Variants in SLC9B2 observed in about 807,000 individuals in gnomAD.
The protein encoded by SLC9B2 is sodium/hydrogen exchanger 9B2.
In SLC9B2, 39 loss-of-function variants were observed where a neutral mutation model predicts 52.2. That is an observed-to-expected ratio of 0.75 (90% CI 0.58 to 0.98). The LOEUF is 0.98. SLC9B2 is among the 50% of genes least tolerant of loss of function. SLC9B2 has a pLI of 0.00. For synonymous variants in SLC9B2, 214 were observed against 227.0 expected, an observed-to-expected ratio of 0.94 and a Z score of 0.51; for missense variants, 626 against 637.5, an observed-to-expected ratio of 0.98 and a Z score of 0.19.
intron 4 of SLC9B2, among the ~76,000 whole-genome samples, chr4:103,056,548 A>G (rs1456538516): frequency 6.6e-6 from 1 of 152,184 alleles, no homozygotes; most frequent in African/African-American, 2.4e-5. Context: ...ATGATCGGCC[A>G]ATATTATATT....
At chr4:103,042,138 T>C (rs1446629924) in intron 9 of SLC9B2, 1 of 152,168 alleles carries the variant, frequency 6.6e-6, no homozygotes, top group African/African-American at 2.4e-5. Context: ...CAGTGAATGC[T>C]GTCTATGGAA....
At chr4:103,063,903 A>T (rs2110653595) in intron 3 of SLC9B2, among the ~76,000 whole-genome samples, 1 of 152,340 alleles carries the variant, frequency 6.6e-6, no homozygotes, top group Non-Finnish European at 1.5e-5. Context: ...TCAAAAGAAG[A>T]CATACAAATG....
chr4:103,050,588 T>A (rs934705739), intron 4 of SLC9B2, among the ~76,000 whole-genome samples: 1 of 152,188 alleles, frequency 6.6e-6, no homozygotes, highest in Non-Finnish European at 1.5e-5. Context: ...TTATAATAAT[T>A]AATATTCCCA....
chr4:103,024,940 T>C lies in SLC9B2; in HGVS notation c.*1430A>G, dbSNP rs1742075450. On this transcript the variant is annotated 3_prime_UTR_variant, in exon 12 of 12. Transcript: ENST00000394785. ...ATTTCTGAAATCCCTGCCATAGAAG[T>C]CACTCTTTTGGTTTAAGGCAATGTC... is the stretch of plus-strand genomic sequence containing the variant. Among the ~76,000 whole-genome samples the C allele has an allele frequency of 6.6e-6, 1 of 152,220 alleles. No individual in the cohort carries two copies. Among genetic ancestry groups the C allele is most frequent in the African/African-American group, 2.4e-5 (1 of 41,460 alleles).
At chr4:103,047,397 C>CT (rs1033393814) in intron 6 of SLC9B2, among the ~76,000 whole-genome samples, 171 bp from the exon 7 acceptor site, 13 of 135,210 alleles carry the variant, frequency 9.6e-5, no homozygotes, top group Non-Finnish European at 1.1e-4. Flanking sequence ...GTTTTTTTTT[C>CT]TTTTTTTTAT....
chr4:103,061,194 A>T (rs1275418479), intron 3 of SLC9B2, among the ~76,000 whole-genome samples: 1 of 152,208 alleles, frequency 6.6e-6, no homozygotes, highest in Non-Finnish European at 1.5e-5. Context: ...ATGCTGCTAT[A>T]AAGACACATG....
In SLC9B2 at chr4:103,076,708, C is replaced by T. The variant is rs1283307753; in HGVS notation, c.-567G>A. 2.6e-5 allele frequency: 4 copies of T among 152,288 alleles called. No individual in the cohort carries two copies. The highest frequency in any genetic ancestry group is 5.9e-5 in the Non-Finnish European group (4 of 68,080). The allele number at this position is 152,288 out of a possible 1,614,324, so 9.4% of individuals were successfully genotyped here. On this transcript the variant is annotated 5_prime_UTR_variant, in exon 1 of 12. Coordinates refer to ENST00000394785, the MANE Select transcript of SLC9B2 (RefSeq NM_178833.7). ...GACCAGCGAGCTCCCGGGAAAGCTT[C>T]CCGGAAAGCTTACCCAGAGAGCGCG...
intron 3 of SLC9B2, among the ~76,000 whole-genome samples, chr4:103,063,115 C>T (rs1745814210): frequency 6.6e-6 from 1 of 152,162 alleles, no homozygotes; most frequent in Non-Finnish European, 1.5e-5. Flanking sequence ...TTCATTTTTA[C>T]TCTTTCCTTA....
chr4:103,076,812 C>G (rs1242890302), upstream of SLC9B2: 2 of 152,340 alleles, frequency 1.3e-5, no homozygotes, highest in African/African-American at 4.8e-5. Flanking sequence ...GACTCCGCGG[C>G]GCAGGCCGGG....
rs1578494055 is a variant in SLC9B2, at chr4:103,076,689, C to G, written c.-548G>C. On this transcript the variant is annotated 5_prime_UTR_variant, in exon 1 of 12. Transcript: ENST00000394785. ...CGCAGGCTTCTGGGGCCAGGACCAG[C>G]GAGCTCCCGGGAAAGCTTCCCGGAA... is the stretch of plus-strand genomic sequence containing the variant. 6.6e-6 allele frequency: 1 copy of G among 152,262 alleles called. No homozygotes were observed. Among genetic ancestry groups the G allele is most frequent in the African/African-American group, 2.4e-5 (1 of 41,474 alleles). The allele number at this position is 152,262 out of a possible 1,614,324, so 9.4% of individuals were successfully genotyped here. A position where few individuals can be genotyped will look rare whatever the true frequency, so the allele number is the denominator to read the frequency against.
intron 7 of SLC9B2, 47 bp downstream of exon 7, chr4:103,047,004 G>A (rs764951414): frequency 1.3e-5 from 21 of 1,571,872 alleles, no homozygotes; most frequent in East Asian, 4.5e-5. Context: ...TTTAACCTAC[G>A]TCCCTAGAAT....
intron 8 of SLC9B2, among the ~76,000 whole-genome samples, chr4:103,044,514 A>G (rs1743928059): frequency 6.6e-6 from 1 of 152,164 alleles, no homozygotes; most frequent in Non-Finnish European, 1.5e-5. Flanking sequence ...AGTGGCTGGG[A>G]CTACCAGGCC....
chr4:103,060,888 C>T (rs77536217), intron 3 of SLC9B2, among the ~76,000 whole-genome samples: 20 of 152,240 alleles, frequency 1.3e-4, no homozygotes, highest in South Asian at 1.0e-3. Context: ...TTTTTATTGG[C>T]GACTCCACAC....
intron 4 of SLC9B2, among the ~76,000 whole-genome samples, 172 bp downstream of exon 4, chr4:103,057,629 T>C (rs1324535757): frequency 1.3e-5 from 2 of 152,148 alleles, no homozygotes; most frequent in African/African-American, 2.4e-5. Context: ...ATTTTTTAAA[T>C]TGCTATGTTT....
Position 103,031,723 on chromosome 4 carries a change from G to A in SLC9B2, c.1232C>T (p.Ala411Val), listed in dbSNP as rs1742718893. ...FGLIGAEVSI[A>V]SLRPETVGLC... ...ACCTACAGTTTCTGGTCTGAGAGATGCAATAGATACCTCTGCTCCAATTAG... is the reference window on the plus strand; with the variant it reads ...ACCTACAGTTTCTGGTCTGAGAGATACAATAGATACCTCTGCTCCAATTAG... Residue 411 changes from alanine to valine, a missense_variant, in exon 10 of 12, where the codon GCA (alanine) becomes GTA (valine). Transcript: ENST00000394785. 1.9e-6 allele frequency: 3 copies of A among 1,612,418 alleles called. No individual in the cohort carries two copies. Among genetic ancestry groups the A allele is most frequent in the Non-Finnish European group, 1.7e-6 (2 of 1,179,042 alleles).
rs142289232 is a variant in SLC9B2, at chr4:103,074,457, T to C, written c.-43+1727A>G. On this transcript the variant is annotated intron_variant, in intron 1 of 11. Transcript: ENST00000394785. ...CAGCAGTGATGAGGAACCTCTGTCT[T>C]ACAAACTTTAGTTTCTATCTTTCTA... 2.0e-4 allele frequency among the ~76,000 whole-genome samples: 30 copies of C among 152,358 alleles called. No homozygotes were observed. The East Asian group carries it at 3.3e-3, about 17-fold the overall frequency.
rs957616062 is a variant in SLC9B2, at chr4:103,064,587, G to A, written c.271+1740C>T. On this transcript the variant is annotated intron_variant, in intron 3 of 11. Coordinates refer to ENST00000394785, the MANE Select transcript of SLC9B2 (RefSeq NM_178833.7). ...GTAGTTTGTTCTGTACCACAGCAACGTGACTATAGTCAGGAATAAGGTATT... is the reference window on the plus strand; with the variant it reads ...GTAGTTTGTTCTGTACCACAGCAACATGACTATAGTCAGGAATAAGGTATT... 5.3e-5 allele frequency among the ~76,000 whole-genome samples: 8 copies of A among 152,280 alleles called. No individual in the cohort carries two copies. The South Asian group carries it at 1.5e-3, about 28-fold the overall frequency.
chr4:103,050,421 A>C, intron 4 of SLC9B2, 39 bp from the exon 5 acceptor site: 1 of 1,509,846 alleles, frequency 6.6e-7, no homozygotes, highest in South Asian at 1.4e-5. Context: ...TTAGTTTTCA[A>C]ATACAGAAAA....
At chr4:103,028,630 C>T in intron 11 of SLC9B2, 117 bp downstream of exon 11, 1 of 1,271,838 alleles carries the variant, frequency 7.9e-7, no homozygotes, top group Non-Finnish European at 1.1e-6. Flanking sequence ...AAACTCTTTT[C>T]ATAAATCCAC....
Sources: gnomAD v4.1 joint callset for allele counts (sites outside exome capture counted in the v4.1 genomes callset) on GRCh38, gnomAD v4.1.1 for gene constraint, MANE v1.5 for transcripts, NCBI Gene and HGNC (gene_info 2026-07-23, HGNC 2026-07-21) for gene names.